The following GRM5 variants were observed in gnomAD, a reference collection of about 807,000 sequenced individuals.
The protein encoded by GRM5 is metabotropic glutamate receptor 5.
Under a neutral mutation model 83.1 loss-of-function variants are expected in GRM5, and 19 were observed. The ratio of observed to expected loss-of-function variants is 0.23; its 90% CI spans 0.16 to 0.34. The LOEUF is 0.34. GRM5 is among the 10% of genes least tolerant of loss of function. The pLI is 1.00. For missense variants in GRM5, 1,160 were observed against 1,588.3 expected, an observed-to-expected ratio of 0.73 and a Z score of 4.58; for synonymous variants, 675 against 633.6, an observed-to-expected ratio of 1.07 and a Z score of -0.98.
At chr11:88,924,445 T>C (rs1945752148) in intron 2 of GRM5, among the ~76,000 whole-genome samples, 4 of 152,090 alleles carry the variant, frequency 2.6e-5, no homozygotes, top group Admixed American at 2.6e-4. Context: ...ATTTTATATA[T>C]ACATACAAAT....
intron 2 of GRM5, among the ~76,000 whole-genome samples, chr11:89,007,884 A>G (rs1446096729): frequency 2.0e-5 from 3 of 152,218 alleles, no homozygotes; most frequent in Non-Finnish European, 4.4e-5. Flanking sequence ...GTCATTAATA[A>G]TTTCACATGA....
At chr11:89,024,598 A>G (rs952322166) in intron 2 of GRM5, among the ~76,000 whole-genome samples, 1 of 152,228 alleles carries the variant, frequency 6.6e-6, no homozygotes, top group African/African-American at 2.4e-5. Flanking sequence ...TAGCTCAAAG[A>G]TCTCAAGATC....
chr11:88,982,253 G>C lies in GRM5; in HGVS notation c.661+64959C>G, dbSNP rs1249663471. 3.3e-5 allele frequency among the ~76,000 whole-genome samples: 5 copies of C among 152,110 alleles called. No homozygotes were observed. The East Asian group carries it at 9.6e-4, about 29-fold the overall frequency. On this transcript the variant is annotated intron_variant, in intron 2 of 9. Transcript: ENST00000305447. ...AAAAACATTCAATGTCACTGCAATAGAATTTCTTCTAGCCTACTTGTTCAT... is the reference window on the plus strand; with the variant it reads ...AAAAACATTCAATGTCACTGCAATACAATTTCTTCTAGCCTACTTGTTCAT...
At chr11:88,812,204 T>C (rs1261893998) in intron 3 of GRM5, among the ~76,000 whole-genome samples, 1 of 152,136 alleles carries the variant, frequency 6.6e-6, no homozygotes, top group Non-Finnish European at 1.5e-5. Context: ...CAAGAGAAAT[T>C]GTCCCAATAT....
At chr11:88,773,767 T>C (rs1232688712) in intron 3 of GRM5, among the ~76,000 whole-genome samples, 3 of 152,176 alleles carry the variant, frequency 2.0e-5, no homozygotes, top group African/African-American at 4.8e-5. Context: ...GTTGTAGATG[T>C]ATGGTATTAT....
At chr11:88,742,012 A>G (rs1942040141) in intron 3 of GRM5, among the ~76,000 whole-genome samples, 1 of 151,906 alleles carries the variant, frequency 6.6e-6, no homozygotes, top group South Asian at 2.1e-4. Flanking sequence ...CCCCACTGCC[A>G]TCTGATTACC....
chr11:89,064,915 TGA>T (rs67948422), intron 1 of GRM5, among the ~76,000 whole-genome samples: 74 of 58,002 alleles, frequency 1.3e-3, no homozygotes, highest in South Asian at 5.6e-3. Context: ...TGTGTGTGTG[TGA>T]GAGAGAGAGA....
chr11:88,793,060 C>T (rs72643325), intron 3 of GRM5, among the ~76,000 whole-genome samples: 17,145 of 151,912 alleles, frequency 0.11, 2,117 homozygotes, highest in African/African-American at 0.31. Context: ...TTTATGATCA[C>T]TATGCATTCT....
At chr11:88,906,922 A>G (rs1244044973) in intron 2 of GRM5, among the ~76,000 whole-genome samples, 1 of 152,222 alleles carries the variant, frequency 6.6e-6, no homozygotes, top group African/African-American at 2.4e-5. Context: ...TAAATACTAA[A>G]TAATTACTAG....
intron 2 of GRM5, among the ~76,000 whole-genome samples, chr11:88,941,756 T>A (rs1226707993): frequency 6.6e-6 from 1 of 152,056 alleles, no homozygotes; most frequent in Non-Finnish European, 1.5e-5. Context: ...TATTTGATGG[T>A]CAGAATCTTA....
chr11:88,744,759 C>A (rs1942098451), intron 3 of GRM5, among the ~76,000 whole-genome samples: 1 of 152,126 alleles, frequency 6.6e-6, no homozygotes, highest in South Asian at 2.1e-4. Flanking sequence ...ACTCAGGAAT[C>A]AACCCATAAC....
At chr11:88,635,122 T>C (rs1172071413) in intron 4 of GRM5, among the ~76,000 whole-genome samples, 1 of 152,266 alleles carries the variant, frequency 6.6e-6, no homozygotes, top group African/African-American at 2.4e-5. Flanking sequence ...CAGCTAATGC[T>C]GTGATGAGCA....
intron 2 of GRM5, among the ~76,000 whole-genome samples, chr11:88,861,635 T>C (rs1944564979): frequency 6.6e-6 from 1 of 151,854 alleles, no homozygotes; most frequent in Non-Finnish European, 1.5e-5. Flanking sequence ...CCAGATAATT[T>C]TTGTATTTTT....
At chr11:88,837,195 ATAT>A (rs746769597) in intron 3 of GRM5, among the ~76,000 whole-genome samples, 1 of 152,194 alleles carries the variant, frequency 6.6e-6, no homozygotes, top group Non-Finnish European at 1.5e-5. Context: ...AGAGAAAAAC[ATAT>A]TATCTTATAC....
chr11:88,563,030 T>A (rs2135164675), intron 8 of GRM5, among the ~76,000 whole-genome samples: 1 of 152,318 alleles, frequency 6.6e-6, no homozygotes, highest in Non-Finnish European at 1.5e-5. Context: ...CCTCCACAAT[T>A]TTTATAACAT....
chr11:88,587,608 A>G (rs1943343509), intron 7 of GRM5, among the ~76,000 whole-genome samples: 1 of 152,154 alleles, frequency 6.6e-6, no homozygotes, highest in South Asian at 2.1e-4. Context: ...AGAAAACAGC[A>G]GAAGCAGGAA....
At chr11:88,946,741 T>G (rs1938294895) in intron 2 of GRM5, among the ~76,000 whole-genome samples, 1 of 152,088 alleles carries the variant, frequency 6.6e-6, no homozygotes, top group Non-Finnish European at 1.5e-5. Context: ...AAGTAATCAA[T>G]TATTTTAGAG....
intron 3 of GRM5, among the ~76,000 whole-genome samples, chr11:88,782,423 C>G (rs773994934): frequency 7.9e-5 from 12 of 152,094 alleles, no homozygotes; most frequent in Non-Finnish European, 1.8e-4. Flanking sequence ...TTAAAACCAT[C>G]AGATCCCATA....
chr11:88,868,956 A>C (rs976310323), intron 2 of GRM5, among the ~76,000 whole-genome samples: 5 of 151,728 alleles, frequency 3.3e-5, no homozygotes, highest in African/African-American at 1.2e-4. Flanking sequence ...ATCCCACGAT[A>C]GTACCAAAGT....
Sources: gnomAD v4.1 joint callset for allele counts (sites outside exome capture counted in the v4.1 genomes callset) on GRCh38, gnomAD v4.1.1 for gene constraint, MANE v1.5 for transcripts, NCBI Gene and HGNC (gene_info 2026-07-23, HGNC 2026-07-21) for gene names.